ANK1: variants seen among roughly 807,000 people sequenced by gnomAD.
ANK1 encodes the protein ankyrin 1, also known as ankyrin-1.
A neutral mutation model predicts 210.4 loss-of-function variants in ANK1; 51 were observed. The observed-to-expected ratio is 0.24, with a 90% CI of 0.19 to 0.31. The LOEUF (loss-of-function observed/expected upper bound fraction) is 0.31. ANK1 is among the 10% of genes least tolerant of loss of function. The probability of loss-of-function intolerance (pLI) is 1.00; values close to 1 mark genes in which losing one functional copy is unlikely to be tolerated. For missense variants in ANK1, 2,051 were observed against 2,504.4 expected (o/e 0.82, Z 3.86); for synonymous variants, 967 against 1,025.9 (o/e 0.94, Z 1.10).
At chr8:41,841,526 C>A (rs1465070578) in intron 1 of ANK1, among the ~76,000 whole-genome samples, 1 of 152,138 alleles carries the variant, frequency 6.6e-6, no homozygotes, top group Non-Finnish European at 1.5e-5. Flanking sequence ...GAGGATGACT[C>A]CCCGGCTAAG....
In ANK1 at chr8:41,663,156, T is replaced by A. The variant is rs186732616; in HGVS notation, c.5478+503A>T. On this transcript the variant is annotated intron_variant, in intron 40 of 42. Coordinates refer to ENST00000289734, the MANE Select transcript of ANK1 (RefSeq NM_000037.4). ...TGTGTGTGTGTATTTATTTATTTTT[T>A]AAAATTTTTTTTAGAGATGGAGTCT... Among the ~76,000 whole-genome samples the A allele has an allele frequency of 6.7e-3, 1,016 of 151,494 alleles. 8 individuals are homozygous for A. The highest frequency in any genetic ancestry group is 0.012 in the South Asian group (57 of 4,802).
Position 41,708,883 on chromosome 8 carries a change from C to T in ANK1, c.1893G>A (p.Glu631=), listed in dbSNP as rs1194544400. 4.3e-6 allele frequency: 7 copies of T among 1,614,014 alleles called. No individual in the cohort carries two copies. In the African/African-American group the frequency reaches 5.3e-5, roughly 12 times the overall value. ...LLQYGGSANA[E]SVQGVTPLHL... The stretch of plus-strand genomic sequence containing the variant: ...GAAGGGGCGTCACACCTTGCACCGA[C>T]TCGGCGTTTGCTGAGCCCCCATACT... Residue 631 remains glutamate (E), a synonymous_variant, in exon 17 of 43, where the codon GAG becomes GAA. Transcript: ENST00000289734.
chr8:41,723,800 T>A (rs1302589951), intron 7 of ANK1, among the ~76,000 whole-genome samples, 167 bp from the exon 8 acceptor site: 10 of 150,336 alleles, frequency 6.7e-5, no homozygotes, highest in East Asian at 3.9e-4. Context: ...TTATTTTTTT[T>A]TTTTTTTGAG....
At chr8:41,758,523 A>G (rs954350389) in intron 1 of ANK1, among the ~76,000 whole-genome samples, 2 of 147,600 alleles carry the variant, frequency 1.4e-5, no homozygotes, top group Admixed American at 6.7e-5. Flanking sequence ...TTTTTTTTTT[A>G]TAGAGACAGG....
At chr8:41,779,157 G>A (rs1337441664) in intron 1 of ANK1, among the ~76,000 whole-genome samples, 1 of 152,110 alleles carries the variant, frequency 6.6e-6, no homozygotes, top group Non-Finnish European at 1.5e-5. Context: ...TCCATGCAGT[G>A]GGAGACCACT....
chr8:41,880,891 C>T (rs555521089), intron 1 of ANK1, among the ~76,000 whole-genome samples: 1 of 152,370 alleles, frequency 6.6e-6, no homozygotes, highest in East Asian at 1.9e-4. Flanking sequence ...CTGCACTTTG[C>T]TGCCTTACTT....
Position 41,740,246 on chromosome 8 carries a change from C to T in ANK1, c.130-6177G>A, listed in dbSNP as rs567794071. ...CATGATCTTGGCTCACTGCAACCTC[C>T]ACCTCCCAAGTTCAAGCAATTCACC... On this transcript the variant is annotated intron_variant, in intron 2 of 42. Coordinates refer to ENST00000289734, the MANE Select transcript of ANK1 (RefSeq NM_000037.4). Among the ~76,000 whole-genome samples, 311 of 151,700 alleles carry T rather than the reference C, an allele frequency of 2.1e-3. 1 individual carries two copies. Among genetic ancestry groups the T allele is most frequent in the African/African-American group, 7.3e-3 (300 of 41,298 alleles).
intron 1 of ANK1, among the ~76,000 whole-genome samples, chr8:41,786,094 T>C (rs528341481): frequency 6.6e-6 from 1 of 152,346 alleles, no homozygotes; most frequent in East Asian, 1.9e-4. Context: ...CATTGTATCT[T>C]GTAGCAGGTT....
chr8:41,856,160 T>C lies in ANK1; in HGVS notation c.126+40195A>G, dbSNP rs577856447. ...AGAAACTGATGAAAGAAATGGCTCC[T>C]CTCTCTTCCAGGGAAAATGCACTTG... On this transcript the variant is annotated intron_variant, in intron 1 of 42. Coordinates refer to the ANK1 transcript ENST00000265709. 9.2e-5 allele frequency among the ~76,000 whole-genome samples: 14 copies of C among 152,348 alleles called. No homozygotes were observed. The East Asian group carries it at 2.7e-3, about 29-fold the overall frequency.
At chr8:41,720,268 T>G (rs1828913372) in intron 9 of ANK1, among the ~76,000 whole-genome samples, 1 of 152,220 alleles carries the variant, frequency 6.6e-6, no homozygotes. Flanking sequence ...ATATTTCTCC[T>G]TAAATGCCCC....
At chr8:41,721,751 C>G (rs1829344053) in intron 9 of ANK1, among the ~76,000 whole-genome samples, 1 of 149,860 alleles carries the variant, frequency 6.7e-6, no homozygotes, top group Non-Finnish European at 1.5e-5. Context: ...CAGTAAGTTT[C>G]TGTTGTTTAA....
chr8:41,713,019 G>C (rs962745861), intron 16 of ANK1, among the ~76,000 whole-genome samples: 1 of 152,182 alleles, frequency 6.6e-6, no homozygotes, highest in Non-Finnish European at 1.5e-5. Flanking sequence ...GAAGAGCGAT[G>C]CTGCAAGATG....
rs145480170 is a variant in ANK1, at chr8:41,692,825, G to C, written c.3681C>G (p.Thr1227=). 1.1e-5 allele frequency: 17 copies of C among 1,613,948 alleles called. No homozygotes were observed. The African/African-American group carries it at 2.0e-4, about 19-fold the overall frequency. Reference sequence around the variant, plus strand: ...CTGCAGTGAGCTCTTTGTACAGCAGGGTGGCAAAGTTCACAGCCTCAGCAG... The same window carrying C: ...CTGCAGTGAGCTCTTTGTACAGCAGCGTGGCAAAGTTCACAGCCTCAGCAG... ...PRTAEAVNFA[T]LLYKELTAVP... The change falls in exon 31 of 43, where the codon ACC becomes ACG. Residue 1227 remains threonine, a synonymous_variant. Coordinates refer to ENST00000289734, the MANE Select transcript of ANK1 (RefSeq NM_000037.4).
rs972406643 is a variant in ANK1 at position 41,694,239 on chromosome 8, G to A, written c.3328-137C>T. 1.3e-5 allele frequency: 12 copies of A among 940,902 alleles called. No individual in the cohort carries two copies. Among genetic ancestry groups the A allele is most frequent in the South Asian group, 3.4e-5 (2 of 59,118 alleles). The allele number at this position is 940,902 out of a possible 1,614,324, so 58.3% of individuals were successfully genotyped here. ...TGCTGTTGGACCACAGAACCGACAC[G>A]GTGGAGCTTGCCTTCCTGAGCCCTT... On this transcript the variant is annotated intron_variant, in intron 28 of 42. Coordinates refer to ENST00000289734, the MANE Select transcript of ANK1 (RefSeq NM_000037.4). This position sits in a 1 kb window ranked among gnomAD's most constrained non-coding sequence, Gnocchi z 5.7.
At chr8:41,715,223 G>T (rs1022045106) in intron 14 of ANK1, 149 bp from the exon 15 acceptor site, 1 of 718,208 alleles carries the variant, frequency 1.4e-6, no homozygotes, top group African/African-American at 1.8e-5. Flanking sequence ...CTGGGAGGCC[G>T]AAGACCTCAG....
chr8:41,818,840 C>T (rs1010350949), intron 1 of ANK1, among the ~76,000 whole-genome samples: 1 of 152,172 alleles, frequency 6.6e-6, no homozygotes, highest in Non-Finnish European at 1.5e-5. Context: ...GAACAGTCCA[C>T]AGGCACAGAT....
chr8:41,755,351 A>T (rs1242019960), intron 2 of ANK1, among the ~76,000 whole-genome samples: 1 of 152,212 alleles, frequency 6.6e-6, no homozygotes, highest in African/African-American at 2.4e-5. Context: ...TCACACAGAA[A>T]ATGAGCCCTG....
chr8:41,824,015 A>G (rs1804924627), intron 1 of ANK1, among the ~76,000 whole-genome samples: 1 of 152,062 alleles, frequency 6.6e-6, no homozygotes, highest in African/African-American at 2.4e-5. Flanking sequence ...GCTGGAGTGC[A>G]GTGGCATGAC....
At position 41,787,360 on chromosome 8, in the gene ANK1, A is replaced by T. The variant is rs563202073; in HGVS notation, c.27+10152T>A. ...CCTACCTATGGCTTCTGTGTAGTAG[A>T]AAGAGCTGGGCTTAGAATTCACACA... On this transcript the variant is annotated intron_variant, in intron 1 of 42. Coordinates refer to ENST00000289734, the MANE Select transcript of ANK1 (RefSeq NM_000037.4). Among the ~76,000 whole-genome samples the T allele has an allele frequency of 1.5e-4, 23 of 152,332 alleles. No homozygotes were observed. The East Asian group carries it at 4.3e-3, about 28-fold the overall frequency.
Sources: gnomAD v4.1 joint callset for allele counts (sites outside exome capture counted in the v4.1 genomes callset) on GRCh38, gnomAD v4.1.1 for gene constraint, Gnocchi (gnomAD v3.1) non-coding constraint, MANE v1.5 for transcripts, NCBI Gene and HGNC (gene_info 2026-07-23, HGNC 2026-07-21) for gene names.